The following ZNF638 variants were observed in gnomAD, a reference collection of about 807,000 sequenced individuals.
The protein encoded by ZNF638 is CTCL tumor antigen se33-1.
Under a neutral mutation model 195.6 loss-of-function variants are expected in ZNF638, and 46 were observed. The observed-to-expected ratio is 0.24, with a 90% CI of 0.19 to 0.30. The LOEUF (loss-of-function observed/expected upper bound fraction) is 0.30. Ranked by LOEUF, ZNF638 falls within the 10% of genes least tolerant of loss-of-function variation. The pLI, the probability that ZNF638 is intolerant of heterozygous loss-of-function variation, is 1.00. For missense variants in ZNF638, 2,440 were observed against 2,325.3 expected (o/e 1.05, Z -1.01); for synonymous variants, 845 against 772.0 (o/e 1.09, Z -1.57).
intron 16 of ZNF638, 157 bp from the exon 17 acceptor site, chr2:71,403,713 C>G: frequency 2.2e-6 from 1 of 457,050 alleles, no homozygotes; most frequent in Non-Finnish European, 3.8e-6. Flanking sequence ...GTCTTTGGGC[C>G]TCAATTTTCT....
chr2:71,364,656 A>G (rs140043932), intron 5 of ZNF638, among the ~76,000 whole-genome samples: 1 of 152,336 alleles, frequency 6.6e-6, no homozygotes, highest in African/African-American at 2.4e-5. Flanking sequence ...AAGAAACCAT[A>G]GTTAATATCT....
chr2:71,350,878 TGATA>T (rs1395892123), intron 2 of ZNF638, among the ~76,000 whole-genome samples: 2 of 152,160 alleles, frequency 1.3e-5, no homozygotes, highest in Non-Finnish European at 2.9e-5. Context: ...TAGTGTAAAA[TGATA>T]GAAATTTGTA....
chr2:71,395,897 A>C lies in ZNF638; in HGVS notation c.2378-244A>C, dbSNP rs563482949. 83 of 557,876 alleles carry C rather than the reference A, an allele frequency of 1.5e-4. 1 individual carries two copies. The South Asian group carries it at 1.7e-3, about 12-fold the overall frequency. The allele number at this position is 557,876 out of a possible 1,614,324, so 34.6% of individuals were successfully genotyped here. ...TTATGTACTGTTGATGGGAATATTA[A>C]TTGGTTCAGCCTTTCTGAAGGTCAG... On this transcript the variant is annotated intron_variant, in intron 10 of 27. Transcript: ENST00000264447.
chr2:71,367,067 AC>A (rs1236428561), intron 6 of ZNF638, among the ~76,000 whole-genome samples: 1 of 152,164 alleles, frequency 6.6e-6, no homozygotes, highest in African/African-American at 2.4e-5. Flanking sequence ...CAAAGAACTT[AC>A]ATTTAGAAGG....
intron 3 of ZNF638, among the ~76,000 whole-genome samples, chr2:71,356,575 G>C (rs2079026223): frequency 6.6e-6 from 1 of 152,124 alleles, no homozygotes; most frequent in Non-Finnish European, 1.5e-5. Flanking sequence ...AGGCTTGCTT[G>C]AGCTCAGGAG....
rs1053989107 is a variant in ZNF638, at chr2:71,346,939, G to C, written c.-202-1814G>C. On this transcript the variant is annotated intron_variant, in intron 1 of 27. Transcript: ENST00000264447. ...CTCGGGAGGCTGAGGCAGGAGAATG[G>C]CTTGAACCCAAGAGGTGGAGGTTGC... Among the ~76,000 whole-genome samples the C allele has an allele frequency of 7.9e-5, 12 of 152,008 alleles. No individual in the cohort carries two copies. The South Asian group carries it at 2.1e-3, about 26-fold the overall frequency.
chr2:71,367,504 G>A (rs1027631222), intron 6 of ZNF638, among the ~76,000 whole-genome samples: 1 of 149,538 alleles, frequency 6.7e-6, no homozygotes, highest in African/African-American at 2.5e-5. Context: ...CGTGATCTTG[G>A]CTCACACAAC....
At chr2:71,384,871 C>T (rs2079606194) in intron 10 of ZNF638, among the ~76,000 whole-genome samples, 1 of 152,132 alleles carries the variant, frequency 6.6e-6, no homozygotes, top group South Asian at 2.1e-4. Context: ...TTACACCATT[C>T]AGAGATCACC....
chr2:71,418,928 C>G (rs925873598), intron 21 of ZNF638, among the ~76,000 whole-genome samples: 1 of 152,110 alleles, frequency 6.6e-6, no homozygotes, highest in African/African-American at 2.4e-5. Flanking sequence ...TTAAGACTCT[C>G]GAATAACTCA....
chr2:71,400,103 T>G lies in ZNF638; in HGVS notation c.2588-9T>G, dbSNP rs373242942. ...TTACTAGACTATTAAAGCAGACTAT[T>G]TCATGCAGAAAACTCTGAAATAAAG... is the stretch of plus-strand genomic sequence containing the variant. On this transcript the variant is annotated splice_polypyrimidine_tract_variant and intron_variant, in intron 13 of 27. Coordinates refer to ENST00000264447, the MANE Select transcript of ZNF638 (RefSeq NM_014497.5). 2.2e-5 allele frequency: 35 copies of G among 1,598,518 alleles called. No homozygotes were observed. Among genetic ancestry groups the G allele is most frequent in the Non-Finnish European group, 2.9e-5 (34 of 1,174,098 alleles).
intron 3 of ZNF638, among the ~76,000 whole-genome samples, chr2:71,362,254 G>A (rs1054953475): frequency 2.0e-5 from 3 of 151,710 alleles, no homozygotes; most frequent in African/African-American, 7.3e-5. Context: ...TCTGTCCTCG[G>A]CTCTCTTTTT....
At position 71,348,073 on chromosome 2, in the gene ZNF638, C is replaced by T. The variant is rs974293429; in HGVS notation, c.-202-680C>T. Among the ~76,000 whole-genome samples the T allele has an allele frequency of 4.6e-5, 7 of 152,252 alleles. No homozygotes were observed. In the South Asian group the frequency reaches 8.3e-4, roughly 18 times the overall value. On this transcript the variant is annotated intron_variant, in intron 1 of 27. Coordinates refer to ENST00000264447, the MANE Select transcript of ZNF638 (RefSeq NM_014497.5). The stretch of plus-strand genomic sequence containing the variant: ...CATCCATATATATTCGTCCATACTG[C>T]GTCTATGGATGGAATCCAAGGGAAG...
At chr2:71,399,797 A>G (rs2079969830) in intron 13 of ZNF638, 152 bp downstream of exon 13, 3 of 660,116 alleles carry the variant, frequency 4.5e-6, no homozygotes, top group Non-Finnish European at 7.7e-6. Flanking sequence ...TATTAAGCCT[A>G]GGACCCATTA....
intron 2 of ZNF638, among the ~76,000 whole-genome samples, chr2:71,351,379 G>A (rs2104189356): frequency 6.6e-6 from 1 of 152,266 alleles, no homozygotes; most frequent in East Asian, 1.9e-4. Flanking sequence ...AGCCAGATGT[G>A]CCAAATTCTA....
Position 71,398,687 on chromosome 2 carries a change from C to G in ZNF638, c.2429-14C>G. 1 of 1,611,974 alleles carries G rather than the reference C, an allele frequency of 6.2e-7. No individual in the cohort carries two copies. The highest frequency in any genetic ancestry group is 8.5e-7 in the Non-Finnish European group (1 of 1,178,528). ...TTAAGTAAACCAGTTTTGACTGCAT[C>G]TTTTGTGATTTAGGGAAATCAGCAA... On this transcript the variant is annotated splice_polypyrimidine_tract_variant and intron_variant, in intron 11 of 27. Coordinates refer to ENST00000264447, the MANE Select transcript of ZNF638 (RefSeq NM_014497.5).
chr2:71,400,054 C>A (rs2079975617), intron 13 of ZNF638, 58 bp from the exon 14 acceptor site: 1 of 1,371,014 alleles, frequency 7.3e-7, no homozygotes, highest in Non-Finnish European at 1.0e-6. Context: ...TGTTTAGATT[C>A]ATTAGTTTAA....
At chr2:71,363,220 A>C in intron 4 of ZNF638, 29 bp downstream of exon 4, 1 of 1,478,122 alleles carries the variant, frequency 6.8e-7, no homozygotes, top group Non-Finnish European at 9.3e-7. Flanking sequence ...AATATTATTA[A>C]AACCTGATTG....
intron 20 of ZNF638, among the ~76,000 whole-genome samples, chr2:71,409,773 T>C (rs1006969701): frequency 1.3e-5 from 2 of 152,212 alleles, no homozygotes; most frequent in African/African-American, 4.8e-5. Context: ...TGTGACTCTT[T>C]TCTAAATTTA....
intron 8 of ZNF638, among the ~76,000 whole-genome samples, chr2:71,371,238 C>G (rs1032311693): frequency 1.3e-5 from 2 of 152,116 alleles, no homozygotes; most frequent in Non-Finnish European, 2.9e-5. Flanking sequence ...TTTATCTATT[C>G]ATGTGTTGAT....
Sources: allele counts gnomAD v4.1 joint callset (sites outside exome capture counted in the v4.1 genomes callset), GRCh38; gene constraint gnomAD v4.1.1; transcripts MANE v1.5; gene names NCBI Gene and HGNC (gene_info 2026-07-23, HGNC 2026-07-21).